ZBBX: variants seen among roughly 807,000 people sequenced by gnomAD.
The protein encoded by ZBBX is zinc finger B-box domain containing.
Under a neutral mutation model 108.5 loss-of-function variants are expected in ZBBX, and 101 were observed. That is an observed-to-expected ratio of 0.93 (90% CI 0.79 to 1.10). The LOEUF (loss-of-function observed/expected upper bound fraction) is 1.10, where lower values mean the gene tolerates loss of function less well. Among genes scored for constraint, ZBBX ranks in the 50% least tolerant of loss-of-function variants. ZBBX has a pLI of 0.00. For missense variants in ZBBX, 1,009 were observed against 941.4 expected, an observed-to-expected ratio of 1.07 and a Z score of -0.94; for synonymous variants, 356 against 323.4, an observed-to-expected ratio of 1.10 and a Z score of -1.08.
At chr3:167,324,644 C>T (rs1196202518) in intron 11 of ZBBX, among the ~76,000 whole-genome samples, 1 of 152,126 alleles carries the variant, frequency 6.6e-6, no homozygotes, top group Non-Finnish European at 1.5e-5. Flanking sequence ...ACTACTCCTC[C>T]TTGACCCTTA....
intron 17 of ZBBX, among the ~76,000 whole-genome samples, chr3:167,304,443 G>A (rs745874369): frequency 3.3e-5 from 5 of 152,266 alleles, no homozygotes; most frequent in Admixed American, 2.6e-4. Context: ...CTGGGGGAAC[G>A]AGAAGATAAG....
chr3:167,397,817 A>C (rs959040265), intron 1 of ZBBX, among the ~76,000 whole-genome samples: 1 of 151,390 alleles, frequency 6.6e-6, no homozygotes, highest in Non-Finnish European at 1.5e-5. Flanking sequence ...AAAAAAAAAA[A>C]CTCATATGAT....
At chr3:167,302,590 C>G (rs1187955568) in intron 17 of ZBBX, among the ~76,000 whole-genome samples, 1 of 152,016 alleles carries the variant, frequency 6.6e-6, no homozygotes, top group Non-Finnish European at 1.5e-5. Flanking sequence ...TGGGTTTATT[C>G]CCGTCAGCTT....
At chr3:167,360,330 T>A (rs1443383881) in intron 7 of ZBBX, among the ~76,000 whole-genome samples, 1 of 151,202 alleles carries the variant, frequency 6.6e-6, no homozygotes, top group African/African-American at 2.4e-5. Context: ...AATTTTTCTA[T>A]TTTTAAAAAT....
At chr3:167,323,396 A>C (rs750154601) in intron 11 of ZBBX, among the ~76,000 whole-genome samples, 5 of 152,078 alleles carry the variant, frequency 3.3e-5, no homozygotes, top group Non-Finnish European at 7.4e-5. Context: ...CCAATGGCAC[A>C]TTCCCAAGAA....
At chr3:167,308,458 G>T (rs1018627736) in intron 16 of ZBBX, among the ~76,000 whole-genome samples, 1 of 152,138 alleles carries the variant, frequency 6.6e-6, no homozygotes, top group Admixed American at 6.5e-5. Context: ...TCATTACTGG[G>T]TATATACCCA....
chr3:167,298,942 G>A (rs543447122), intron 17 of ZBBX, among the ~76,000 whole-genome samples: 36 of 152,134 alleles, frequency 2.4e-4, no homozygotes, highest in African/African-American at 8.7e-4. Context: ...ATATAAAGTA[G>A]GAAACTGTGG....
intron 20 of ZBBX, among the ~76,000 whole-genome samples, chr3:167,270,972 T>A (rs1019912709): frequency 6.6e-6 from 1 of 152,200 alleles, no homozygotes; most frequent in African/African-American, 2.4e-5. Context: ...CACTTATTCA[T>A]AGATGGTTCC....
At chr3:167,316,325 T>G (rs1351604023) in intron 14 of ZBBX, among the ~76,000 whole-genome samples, 1 of 152,100 alleles carries the variant, frequency 6.6e-6, no homozygotes, top group African/African-American at 2.4e-5. Flanking sequence ...AAGCAGTATT[T>G]AAAAGAGGTA....
intron 19 of ZBBX, among the ~76,000 whole-genome samples, chr3:167,285,149 T>TA (rs1159717341): frequency 6.6e-6 from 1 of 152,088 alleles, no homozygotes; most frequent in East Asian, 1.9e-4. Flanking sequence ...TGATTACTAA[T>TA]AAAACTAAGC....
chr3:167,186,647 A>C, the ZBBX span, among the ~76,000 whole-genome samples: 1 of 152,202 alleles, frequency 6.6e-6, no homozygotes, highest in Non-Finnish European at 1.5e-5. Context: ...ACAGATTCAA[A>C]ATAAATGACA....
At chr3:167,184,707 C>T in the ZBBX span, among the ~76,000 whole-genome samples, 3 of 151,988 alleles carry the variant, frequency 2.0e-5, no homozygotes, top group Non-Finnish European at 4.4e-5. Flanking sequence ...CCTCCGAAAG[C>T]AGTACCAGCA....
chr3:167,208,075 TCA>T, the ZBBX span, among the ~76,000 whole-genome samples: 6 of 152,126 alleles, frequency 3.9e-5, no homozygotes, highest in Non-Finnish European at 8.8e-5. Context: ...GAAAGCAACA[TCA>T]CACAGAACTC....
At chr3:167,405,086 T>A (rs1483703574) in intron 1 of ZBBX, among the ~76,000 whole-genome samples, 2 of 152,146 alleles carry the variant, frequency 1.3e-5, no homozygotes, top group Non-Finnish European at 2.9e-5. Flanking sequence ...ATTAAAAACA[T>A]TGTGAAGAAG....
In ZBBX at chr3:167,242,535, A is replaced by T. The variant is rs777106380; in HGVS notation, c.2363T>A (p.Val788Glu). Reference sequence around the variant, plus strand: ...TTCCTCAACTCCACAGGGACCCCTCACATGTGAGGTCTTAAGGAAATCTGT... The same window carrying T: ...TTCCTCAACTCCACAGGGACCCCTCTCATGTGAGGTCTTAAGGAAATCTGT... ...ISTDFLKTSH[V>E]RGPCGVEELS... Residue 788 changes from valine to glutamate, a missense_variant, in exon 21 of 22, where the codon GTG (valine) becomes GAG (glutamate). Physicochemically the swap from Val to Glu is moderately radical, Grantham distance 121 (BLOSUM62 -2). Transcript: ENST00000675490. 1 of 1,612,894 alleles carries T rather than the reference A, an allele frequency of 6.2e-7. No homozygotes were observed. The highest frequency in any genetic ancestry group is 1.7e-5 in the Admixed American group (1 of 59,880).
At chr3:167,214,453 A>G in the ZBBX span, among the ~76,000 whole-genome samples, 3 of 152,178 alleles carry the variant, frequency 2.0e-5, no homozygotes, top group African/African-American at 4.8e-5. Flanking sequence ...ATTTAAATAC[A>G]TATGCTCTCA....
chr3:167,355,256 A>C (rs1468350081), intron 8 of ZBBX, among the ~76,000 whole-genome samples: 1 of 152,018 alleles, frequency 6.6e-6, no homozygotes, highest in South Asian at 2.1e-4. Context: ...TGCCAACAAC[A>C]AAACACACTG....
chr3:167,361,074 G>T (rs550762608), intron 6 of ZBBX, among the ~76,000 whole-genome samples: 1 of 152,066 alleles, frequency 6.6e-6, no homozygotes, highest in Admixed American at 6.6e-5. Flanking sequence ...TGCTCTTTCT[G>T]AGACACACAG....
At chr3:167,218,490 A>G in the ZBBX span, among the ~76,000 whole-genome samples, 53 of 152,262 alleles carry the variant, frequency 3.5e-4, no homozygotes, top group South Asian at 0.011. Flanking sequence ...ATTGCCTTAA[A>G]GTGTAAAGTT....
Sources: allele counts gnomAD v4.1 joint callset (sites outside exome capture counted in the v4.1 genomes callset), GRCh38; gene constraint gnomAD v4.1.1; transcripts MANE v1.5; gene names NCBI Gene and HGNC (gene_info 2026-07-23, HGNC 2026-07-21).